RBM33: variants seen among roughly 807,000 people sequenced by gnomAD.
RBM33 encodes the protein RNA-binding protein 33.
RBM33 carries 28 observed loss-of-function variants against 132.6 expected under a neutral mutation model. The observed-to-expected ratio is 0.21, with a 90% CI of 0.16 to 0.29. The LOEUF (loss-of-function observed/expected upper bound fraction) is 0.29. Ranked by LOEUF, RBM33 falls within the 10% of genes least tolerant of loss-of-function variation. The pLI is 1.00. For missense variants in RBM33, 1,291 were observed against 1,518.5 expected, an observed-to-expected ratio of 0.85 and a Z score of 2.49; for synonymous variants, 634 against 593.0, an observed-to-expected ratio of 1.07 and a Z score of -1.01.
chr7:155,677,814 T>G (rs1799225364), intron 3 of RBM33, among the ~76,000 whole-genome samples: 1 of 152,218 alleles, frequency 6.6e-6, no homozygotes, highest in Non-Finnish European at 1.5e-5. Flanking sequence ...TTTTTAAGAA[T>G]GAATATGTGT....
intron 1 of RBM33, among the ~76,000 whole-genome samples, chr7:155,655,976 T>C (rs1158267240): frequency 6.6e-6 from 1 of 152,228 alleles, no homozygotes; most frequent in Non-Finnish European, 1.5e-5. Context: ...ACATCATTTT[T>C]ACTTGAAAGG....
intron 14 of RBM33, among the ~76,000 whole-genome samples, chr7:155,754,441 G>T (rs1801781951): frequency 6.6e-6 from 1 of 152,188 alleles, no homozygotes; most frequent in Admixed American, 6.5e-5. Context: ...TCAGAGCCTG[G>T]GGCTGCACCC....
intron 7 of RBM33, among the ~76,000 whole-genome samples, chr7:155,707,572 T>C (rs1800152183): frequency 6.6e-6 from 1 of 152,228 alleles, no homozygotes; most frequent in East Asian, 1.9e-4. Context: ...GAATAAATCA[T>C]GTACCTGTAA....
At position 155,774,806 on chromosome 7, in the gene RBM33, GC is replaced by G. The variant is rs2117088881; in HGVS notation, c.3464+160del. Reference sequence around the variant, plus strand: ...GCAGACGGTGATCCTGTCATGAGGCGCGCGTCCTTTTGTCTGGTGGAGAATT... The same window carrying G: ...GCAGACGGTGATCCTGTCATGAGGCGGCGTCCTTTTGTCTGGTGGAGAATT... On this transcript the variant is annotated intron_variant, in intron 17 of 17. Transcript: ENST00000401878. The surrounding 1 kb of genome is among the most constrained non-coding windows in gnomAD (Gnocchi z 4.2). Among the ~76,000 whole-genome samples, 1 of 152,316 alleles carries G rather than the reference GC, an allele frequency of 6.6e-6. No individual in the cohort carries two copies. The highest frequency in any genetic ancestry group is 2.4e-5 in the African/African-American group (1 of 41,570).
rs868459856 is a variant in RBM33, at chr7:155,739,996, G to T, written c.2019G>T (p.Met673Ile). The change falls in exon 12 of 18, where the codon ATG becomes ATT. Residue 673 changes from methionine (M) to isoleucine (I), a missense_variant. By Grantham distance (10) the Met-to-Ile change is conservative. Transcript: ENST00000401878. ...AGCCTCAGGCCAGCAGCAGCCGGAT[G>T]CAGTGCCCCCAGCGCCAGGGGCTCC... Reference protein sequence around the residue: ...TAQPQASSSRMQCPQRQGLRH... With the variant: ...TAQPQASSSRIQCPQRQGLRH... 2 of 1,564,376 alleles carry T rather than the reference G, an allele frequency of 1.3e-6. No individual in the cohort carries two copies. The highest frequency in any genetic ancestry group is 1.4e-5 in the African/African-American group (1 of 74,000).
At chr7:155,677,507 G>A (rs1799218050) in intron 3 of RBM33, among the ~76,000 whole-genome samples, 2 of 152,146 alleles carry the variant, frequency 1.3e-5, no homozygotes, top group South Asian at 4.1e-4. Context: ...ACTGCGCCCA[G>A]CCAGAAACTT....
chr7:155,739,819 G>GGCCCCC lies in RBM33; in HGVS notation c.1842_1843insGCCCCC (p.Gln614_Pro615insAlaPro). The GGCCCCC allele has an allele frequency of 4.3e-6, 2 of 469,798 alleles. No homozygotes were observed. The highest frequency in any genetic ancestry group is 6.0e-6 in the Non-Finnish European group (2 of 333,156). The allele number at this position is 469,798 out of a possible 1,614,324, so 29.1% of individuals were successfully genotyped here. A position where few individuals can be genotyped will look rare whatever the true frequency, so the allele number is the denominator to read the frequency against. ...AGCCTCCGCACCAGCCCCCGCACCA[G>GGCCCCC]CCCCCGCCCCAGCACCAGCCCCCAC... On this transcript the variant is annotated inframe_insertion, in exon 12 of 18. Coordinates refer to ENST00000401878, the MANE Select transcript of RBM33 (RefSeq NM_053043.3).
chr7:155,771,284 C>T (rs1440429610), intron 16 of RBM33, among the ~76,000 whole-genome samples: 1 of 152,168 alleles, frequency 6.6e-6, no homozygotes, highest in African/African-American at 2.4e-5. Context: ...AGTTTCTTTT[C>T]CTCTGCTCCT....
At chr7:155,681,022 A>C in intron 5 of RBM33, 114 bp downstream of exon 5, 1 of 788,746 alleles carries the variant, frequency 1.3e-6, no homozygotes, top group Non-Finnish European at 2.0e-6. Context: ...ATTAGACCTT[A>C]TTATCACTCT....
Position 155,775,294 on chromosome 7 carries a change from T to A in RBM33, c.*253T>A. On this transcript the variant is annotated 3_prime_UTR_variant, in exon 18 of 18. Coordinates refer to ENST00000401878, the MANE Select transcript of RBM33 (RefSeq NM_053043.3). Reference sequence around the variant, plus strand: ...CCACCAAGAACTCCAAGTTTTTCGTTTTGTTTTGTTTTCAAAGTGCTTACA... The same window carrying A: ...CCACCAAGAACTCCAAGTTTTTCGTATTGTTTTGTTTTCAAAGTGCTTACA... 1.6e-6 allele frequency: 1 copy of A among 608,714 alleles called. No homozygotes were observed. 37.7% of individuals were successfully genotyped at this position (608,714 alleles called of 1,614,324 possible). A position where few individuals can be genotyped will look rare whatever the true frequency, so the allele number is the denominator to read the frequency against.
At position 155,738,320 on chromosome 7, in the gene RBM33, C is replaced by T. The variant is rs960003380; in HGVS notation, c.1654C>T (p.Arg552Trp). Reference protein sequence around the residue: ...HFSQPGSATTRPFIPPRQPFL... With the variant: ...HFSQPGSATTWPFIPPRQPFL... ...TAGCCAGCCTGGGTCGGCAACCACA[C>T]GGCCCTTCATTCCTCCTAGACAGCC... The change falls in exon 11 of 18, where the codon CGG becomes TGG. Residue 552 changes from arginine (R) to tryptophan (W), a missense_variant. Arg to Trp is a moderately radical substitution (Grantham distance 101, BLOSUM62 -3). Transcript: ENST00000401878. 1.9e-6 allele frequency: 3 copies of T among 1,613,998 alleles called. No homozygotes were observed. Among genetic ancestry groups the T allele is most frequent in the Non-Finnish European group, 2.5e-6 (3 of 1,179,894 alleles).
At chr7:155,674,542 T>G (rs1799124179) in intron 3 of RBM33, among the ~76,000 whole-genome samples, 1 of 152,240 alleles carries the variant, frequency 6.6e-6, no homozygotes, top group Admixed American at 6.5e-5. Flanking sequence ...TGCCCTGTGT[T>G]TCTTTCCAGA....
intron 13 of RBM33, 29 bp from the exon 14 acceptor site, chr7:155,744,932 A>G (rs1331168769): frequency 3.3e-5 from 50 of 1,524,416 alleles, no homozygotes; most frequent in Non-Finnish European, 4.0e-5. Context: ...CTGTATAGCA[A>G]AGTAAACCGT....
At chr7:155,656,556 C>CA (rs942992802) in intron 1 of RBM33, among the ~76,000 whole-genome samples, 1 of 151,120 alleles carries the variant, frequency 6.6e-6, no homozygotes, top group African/African-American at 2.4e-5. Flanking sequence ...GTGTTTCAGT[C>CA]AAAAAACATA....
chr7:155,712,860 G>A (rs556014241), intron 8 of RBM33, among the ~76,000 whole-genome samples: 59 of 152,338 alleles, frequency 3.9e-4, no homozygotes, highest in African/African-American at 1.3e-3. Flanking sequence ...GCAGGGATTA[G>A]AGGGGTTTGA....
intron 1 of RBM33, among the ~76,000 whole-genome samples, chr7:155,653,528 C>A (rs1049329363): frequency 3.9e-5 from 6 of 152,014 alleles, no homozygotes; most frequent in Admixed American, 6.5e-5. Context: ...GAAAAACTAA[C>A]CCCATGTTAA....
At chr7:155,758,452 C>G (rs1308101938) in intron 14 of RBM33, among the ~76,000 whole-genome samples, 1 of 152,130 alleles carries the variant, frequency 6.6e-6, no homozygotes, top group Non-Finnish European at 1.5e-5. Flanking sequence ...CAACCTAGAT[C>G]CCTCGCGTGG....
At chr7:155,662,550 C>T (rs1008452132) in intron 1 of RBM33, among the ~76,000 whole-genome samples, 4 of 151,794 alleles carry the variant, frequency 2.6e-5, no homozygotes, top group Non-Finnish European at 4.4e-5. Flanking sequence ...AGCATTTGTG[C>T]TGTGGCTGTG....
intron 15 of RBM33, 121 bp from the exon 16 acceptor site, chr7:155,766,346 A>C: frequency 8.9e-7 from 1 of 1,124,662 alleles, no homozygotes; most frequent in East Asian, 2.6e-5. Flanking sequence ...AACTACAGAA[A>C]ATCCTGTAGC....
Sources: allele counts gnomAD v4.1 joint callset (sites outside exome capture counted in the v4.1 genomes callset), GRCh38; gene constraint gnomAD v4.1.1; non-coding constraint Gnocchi (gnomAD v3.1); transcripts MANE v1.5; gene names NCBI Gene and HGNC (gene_info 2026-07-23, HGNC 2026-07-21).